Variants in RBM10 observed in about 807,000 individuals in gnomAD.
The protein encoded by RBM10 is RNA binding motif protein 10, also known as RNA-binding protein 10.
Under a neutral mutation model 84.9 loss-of-function variants are expected in RBM10, and 1 was observed. That is an observed-to-expected ratio of 0.01 (90% confidence interval 0.00 to 0.06). The LOEUF (loss-of-function observed/expected upper bound fraction) is 0.06, where lower values mean the gene tolerates loss of function less well. Ranked by LOEUF, RBM10 falls within the 10% of genes least tolerant of loss-of-function variation. The probability of loss-of-function intolerance (pLI) is 1.00; values close to 1 mark genes in which losing one functional copy is unlikely to be tolerated. For missense variants in RBM10, 438 were observed against 839.0 expected (o/e 0.52, Z 5.90); for synonymous variants, 326 against 344.5 (o/e 0.95, Z 0.60).
At chrX:47,164,611 C>T (rs1556768176) in intron 2 of RBM10, among the ~76,000 whole-genome samples, 1 of 110,993 alleles carries the variant, frequency 9.0e-6, no homozygotes, top group Non-Finnish European at 1.9e-5. Flanking sequence ...TGAAAAGATG[C>T]AAAATAACAA....
At position 47,145,427 on chromosome X, in the gene RBM10, G is replaced by A. The variant is rs1556761604; in HGVS notation, c.-184G>A. On this transcript the variant is annotated 5_prime_UTR_variant, in exon 1 of 24. Coordinates refer to ENST00000377604, the MANE Select transcript of RBM10 (RefSeq NM_005676.5). ...CGGCTGAGCTGGGAGAGTTGGAGGA[G>A]GTGGCGGCGGGCAGAGGTGATGTCT... 1.0e-5 allele frequency: 12 copies of A among 1,154,018 alleles called. No homozygotes were observed. In the South Asian group the frequency reaches 1.9e-4, roughly 18 times the overall value.
chrX:47,186,639 T>C lies in RBM10; in HGVS notation c.*40T>C, dbSNP rs1556782997. 1 of 1,207,507 alleles carries C rather than the reference T, an allele frequency of 8.3e-7. No individual in the cohort carries two copies. The highest frequency in any genetic ancestry group is 2.2e-5 in the Admixed American group (1 of 46,076). ...AACTTCTCCACATGTTGGGTGTCCA[T>C]CCTGGGGCAGGGAAGGACAGAGTGT... On this transcript the variant is annotated 3_prime_UTR_variant, in exon 24 of 24. Transcript: ENST00000377604.
chrX:47,185,612 G>A lies in RBM10; in HGVS notation c.2337G>A (p.Gln779=). 1 of 1,206,755 alleles carries A rather than the reference G, an allele frequency of 8.3e-7. No homozygotes were observed. The highest frequency in any genetic ancestry group is 1.1e-6 in the Non-Finnish European group (1 of 892,762). ...PSKEALIRHQ[Q]LSGLHKQNLE... ...AAGAGGCGCTCATCCGGCACCAGCA[G>A]CTCTCAGGGCTCCACAAGGTAACAG... The change falls in exon 20 of 24, where the codon CAG becomes CAA. Residue 779 remains glutamine, a synonymous_variant. Coordinates refer to ENST00000377604, the MANE Select transcript of RBM10 (RefSeq NM_005676.5).
intron 4 of RBM10, 42 bp from the exon 5 acceptor site, chrX:47,173,086 C>T: frequency 8.3e-7 from 1 of 1,211,614 alleles, no homozygotes; most frequent in Non-Finnish European, 1.1e-6. Flanking sequence ...CCCAGCGGCC[C>T]CATTGTGCTG....
rs782482147 is a variant in RBM10 at position 47,182,006 on chromosome X, C to T, written c.1749C>T (p.Asp583=). The change falls in exon 16 of 24, where the codon GAC becomes GAT. Residue 583 remains aspartate, a synonymous_variant. Transcript: ENST00000377604. ...ATGAGACCTCCGGCTACTACTATGA[C>T]CCCCAGACCGGCCTCTACTATGACC... ...QYDETSGYYY[D]PQTGLYYDPN... The T allele has an allele frequency of 3.2e-5, 39 of 1,209,359 alleles. No homozygotes were observed. The highest frequency in any genetic ancestry group is 2.6e-4 in the South Asian group (15 of 56,746).
Position 47,176,592 on chromosome X carries a change from G to T in RBM10, c.663+6G>T. The stretch of plus-strand genomic sequence containing the variant: ...AGGACTGGCTGTGCAATAAGGTACA[G>T]GGGCGGTGGGCAGCAGTTGTCATGG... On this transcript the variant is annotated splice_donor_region_variant and intron_variant, in intron 7 of 23. Coordinates refer to ENST00000377604, the MANE Select transcript of RBM10 (RefSeq NM_005676.5). 1 of 1,210,956 alleles carries T rather than the reference G, an allele frequency of 8.3e-7. No homozygotes were observed. The highest frequency in any genetic ancestry group is 1.1e-6 in the Non-Finnish European group (1 of 895,266).
Position 47,164,406 on chromosome X carries a change from G to A in RBM10, c.18-4909G>A, listed in dbSNP as rs782429939. Among the ~76,000 whole-genome samples, 194 of 109,528 alleles carry A rather than the reference G, an allele frequency of 1.8e-3. 1 individual carries two copies. The highest frequency in any genetic ancestry group is 8.9e-3 in the South Asian group (22 of 2,471). ...ATACAAAACATCAGCCAGGTGTGGTGGCAGGCGCCTGTAATCACTGCTACT... is the reference window on the plus strand; with the variant it reads ...ATACAAAACATCAGCCAGGTGTGGTAGCAGGCGCCTGTAATCACTGCTACT... On this transcript the variant is annotated intron_variant, in intron 2 of 23. Coordinates refer to ENST00000377604, the MANE Select transcript of RBM10 (RefSeq NM_005676.5).
Position 47,176,495 on chromosome X carries a change from C to T in RBM10, c.577-5C>T, listed in dbSNP as rs782586275. ...GACCTCACTGTGCTCTGCTTTTTCC[C>T]GCAGCACTCCCTCAACATCCTGGGC... On this transcript the variant is annotated splice_region_variant and splice_polypyrimidine_tract_variant and intron_variant, in intron 6 of 23. Coordinates refer to ENST00000377604, the MANE Select transcript of RBM10 (RefSeq NM_005676.5). 7 of 1,209,169 alleles carry T rather than the reference C, an allele frequency of 5.8e-6. No individual in the cohort carries two copies. The highest frequency in any genetic ancestry group is 4.4e-5 in the Admixed American group (2 of 45,616).
Position 47,179,014 on chromosome X carries a change from C to T in RBM10, c.664-89C>T, listed in dbSNP as rs1556777374. On this transcript the variant is annotated intron_variant, in intron 7 of 23. Coordinates refer to ENST00000377604, the MANE Select transcript of RBM10 (RefSeq NM_005676.5). ...AGGGGCTTTCCTTCCTGGGGCACTG[C>T]GGGGTCCCTGGGAGATCTCTTCATC... 2.7e-5 allele frequency: 31 copies of T among 1,167,891 alleles called. No homozygotes were observed. The South Asian group carries it at 3.2e-4, about 12-fold the overall frequency.
At chrX:47,182,402 C>A (rs782531520) in intron 17 of RBM10, 76 bp downstream of exon 17, 217 of 1,142,800 alleles carry the variant, frequency 1.9e-4, no homozygotes, top group Non-Finnish European at 2.4e-4. Flanking sequence ...AGCTCTTGCC[C>A]TCTCCTGCCA....
At chrX:47,145,649 T>G (rs1386083100) in intron 1 of RBM10, 164 bp downstream of exon 1, 11 of 475,220 alleles carry the variant, frequency 2.3e-5, no homozygotes, top group African/African-American at 2.2e-4. Context: ...TTTTTTTTTT[T>G]TTTTTTTTTT....
chrX:47,156,153 A>G (rs1933126947), intron 2 of RBM10, among the ~76,000 whole-genome samples: 2 of 110,467 alleles, frequency 1.8e-5, no homozygotes, highest in Non-Finnish European at 1.9e-5. Flanking sequence ...GCTTTATTAC[A>G]TATTTACTTC....
Position 47,186,248 on chromosome X carries a change from G to A in RBM10, c.2538-10G>A, listed in dbSNP as rs781955451. The A allele has an allele frequency of 9.1e-6, 11 of 1,209,353 alleles. No individual in the cohort carries two copies. The Admixed American group carries it at 1.3e-4, about 14-fold the overall frequency. On this transcript the variant is annotated splice_polypyrimidine_tract_variant and intron_variant, in intron 22 of 23. Coordinates refer to ENST00000377604, the MANE Select transcript of RBM10 (RefSeq NM_005676.5). ...AGGCCGACCACTCATGCTGTGCACC[G>A]CCCCTGCAGAGACTTCGAGCAGCCT...
chrX:47,159,294 A>G (rs1197003402), intron 2 of RBM10, among the ~76,000 whole-genome samples: 6 of 110,268 alleles, frequency 5.4e-5, no homozygotes, highest in Non-Finnish European at 1.1e-4. Flanking sequence ...CTGTAATCAC[A>G]GCTACTCGGG....
chrX:47,170,887 C>T (rs1006689813), intron 3 of RBM10, 141 bp from the exon 4 acceptor site: 1 of 611,438 alleles, frequency 1.6e-6, no homozygotes, highest in Non-Finnish European at 2.7e-6. Context: ...GCCTGCCCAC[C>T]CTGCCTGCCT....
chrX:47,150,566 T>C (rs1437334836), intron 2 of RBM10, among the ~76,000 whole-genome samples: 4 of 112,056 alleles, frequency 3.6e-5, no homozygotes, highest in African/African-American at 9.7e-5. Context: ...TTCTTCCATA[T>C]AGTAGGCAGT....
intron 2 of RBM10, among the ~76,000 whole-genome samples, chrX:47,156,100 T>C (rs782392747): frequency 9.0e-6 from 1 of 110,779 alleles, no homozygotes; most frequent in South Asian, 3.8e-4. Context: ...TGAGCCACCG[T>C]GCCCAGCCCA....
At chrX:47,152,233 G>A (rs1001500493) in intron 2 of RBM10, among the ~76,000 whole-genome samples, 2 of 110,862 alleles carry the variant, frequency 1.8e-5, no homozygotes, top group Non-Finnish European at 3.8e-5. Context: ...TAAAAATTTT[G>A]TAAATTGCAT....
intron 2 of RBM10, among the ~76,000 whole-genome samples, chrX:47,153,767 C>G (rs1472986660): frequency 1.8e-5 from 2 of 111,673 alleles, no homozygotes; most frequent in African/African-American, 6.5e-5. Flanking sequence ...ATCTGTACCT[C>G]GAAAAACTTG....
Sources: allele counts gnomAD v4.1 joint callset (sites outside exome capture counted in the v4.1 genomes callset), GRCh38; gene constraint gnomAD v4.1.1; transcripts MANE v1.5; gene names NCBI Gene and HGNC (gene_info 2026-07-23, HGNC 2026-07-21).